Variants in NCBP2 observed in about 807,000 individuals in gnomAD.
NCBP2 encodes nuclear cap-binding protein subunit 2.
NCBP2 carries 8 observed loss-of-function variants against 21.5 expected under a neutral mutation model. The ratio of observed to expected loss-of-function variants is 0.37; its 90% confidence interval spans 0.22 to 0.67. The LOEUF (loss-of-function observed/expected upper bound fraction) is 0.67, where lower values mean the gene tolerates loss of function less well. Ranked by LOEUF, NCBP2 falls within the 30% of genes least tolerant of loss-of-function variation. NCBP2 has a pLI of 0.56. For synonymous variants in NCBP2, 92 were observed against 75.8 expected (o/e 1.21, Z -1.11); for missense variants, 127 against 206.9 (o/e 0.61, Z 2.37).
rs1716593262 is a variant in NCBP2 at position 196,941,824 on chromosome 3, C to T, written c.78+602G>A. ...CCCTCTTCTGAAATCCAGCAATTCTCCGATCTTTACATCCGAACACCCTCA... is the reference window on the plus strand; with the variant it reads ...CCCTCTTCTGAAATCCAGCAATTCTTCGATCTTTACATCCGAACACCCTCA... On this transcript the variant is annotated intron_variant, in intron 1 of 3. Transcript: ENST00000321256. 5.4e-6 allele frequency: 7 copies of T among 1,301,428 alleles called. No homozygotes were observed. In the South Asian group the frequency reaches 7.8e-5, roughly 15 times the overall value. The allele number at this position is 1,301,428 out of a possible 1,614,324, so 80.6% of individuals were successfully genotyped here. A position where few individuals can be genotyped will look rare whatever the true frequency, so the allele number is the denominator to read the frequency against.
chr3:196,936,411 C>A lies in NCBP2; in HGVS notation c.*600G>T. 1 of 153,146 alleles carries A rather than the reference C, an allele frequency of 6.5e-6. No individual in the cohort carries two copies. The allele number at this position is 153,146 out of a possible 1,614,324, so 9.5% of individuals were successfully genotyped here. On this transcript the variant is annotated 3_prime_UTR_variant, in exon 4 of 4. Coordinates refer to ENST00000321256, the MANE Select transcript of NCBP2 (RefSeq NM_007362.5). ...CACCTGTTCCTAATTTTGTGCAAAGCAATACAACATAGCACAACTCCATTT... is the reference window on the plus strand; with the variant it reads ...CACCTGTTCCTAATTTTGTGCAAAGAAATACAACATAGCACAACTCCATTT...
At position 196,936,080 on chromosome 3, in the gene NCBP2, G is replaced by GT. The variant is rs1483881164; in HGVS notation, c.*930dup. The GT allele has an allele frequency of 1.4e-4, 21 of 152,158 alleles. No individual in the cohort carries two copies. Among genetic ancestry groups the GT allele is most frequent in the Admixed American group, 1.4e-3 (21 of 15,264 alleles). 9.4% of individuals were successfully genotyped at this position (152,158 alleles called of 1,614,324 possible). The stretch of plus-strand genomic sequence containing the variant: ...TTGCTGGTCCTCATGTCAAGGCAGT[G>GT]TTTTCATTGTCTCTTGATATTTTAT... On this transcript the variant is annotated 3_prime_UTR_variant, in exon 4 of 4. Coordinates refer to ENST00000321256, the MANE Select transcript of NCBP2 (RefSeq NM_007362.5).
intron 1 of NCBP2, chr3:196,942,103 C>T: frequency 6.7e-7 from 1 of 1,487,014 alleles, no homozygotes; most frequent in Non-Finnish European, 8.9e-7. Context: ...GCTACGTAGT[C>T]GTCTGCGGAG....
rs368248385 is a variant in NCBP2, at chr3:196,937,041, T to G, written c.441A>C (p.Gly147=). The change falls in exon 4 of 4, where the codon GGA becomes GGC. Residue 147 remains glycine, a synonymous_variant. Transcript: ENST00000321256. ...GGTTCTGTGCCAGTTTTCCATAGCC[T>G]CCTCTCCCAGCATCGTAGTCCTGCC... is the stretch of plus-strand genomic sequence containing the variant. ...EYRQDYDAGR[G]GYGKLAQNQ is the part of the protein sequence containing the mutation. The G allele has an allele frequency of 5.0e-5, 80 of 1,613,988 alleles. No individual in the cohort carries two copies. Among genetic ancestry groups the G allele is most frequent in the Non-Finnish European group, 6.1e-5 (72 of 1,180,020 alleles).
At chr3:196,940,636 C>G (rs548063666) in intron 1 of NCBP2, among the ~76,000 whole-genome samples, 108 of 152,242 alleles carry the variant, frequency 7.1e-4, no homozygotes, top group African/African-American at 2.6e-3. Context: ...GCTAGAAATT[C>G]CACATGACAG....
At chr3:196,942,320 T>G in intron 1 of NCBP2, 106 bp downstream of exon 1, 1 of 1,535,188 alleles carries the variant, frequency 6.5e-7, no homozygotes, top group Non-Finnish European at 8.8e-7. Flanking sequence ...CCACTTGGCG[T>G]TTGCGGATTT....
intron 2 of NCBP2, chr3:196,938,050 G>A (rs1232930512): frequency 1.2e-5 from 2 of 162,316 alleles, no homozygotes; most frequent in East Asian, 1.7e-4. Flanking sequence ...CTTCACTAAA[G>A]GAAAGACTCA....
In NCBP2 at chr3:196,939,508, ACATT is replaced by A. The variant is rs1208592044; in HGVS notation, c.79-80_79-77del. ...AATAGTATTTCTAAGTACGGTAGAG[ACATT>A]CATTAATTCTGGTTTGGAAATCAAC... On this transcript the variant is annotated intron_variant, in intron 1 of 3. Coordinates refer to ENST00000321256, the MANE Select transcript of NCBP2 (RefSeq NM_007362.5). The A allele has an allele frequency of 1.5e-5, 16 of 1,095,958 alleles. No individual in the cohort carries two copies. The Admixed American group carries it at 3.9e-4, about 27-fold the overall frequency. 67.9% of individuals were successfully genotyped at this position (1,095,958 alleles called of 1,614,324 possible). A position where few individuals can be genotyped will look rare whatever the true frequency, so the allele number is the denominator to read the frequency against.
Position 196,936,585 on chromosome 3 carries a change from T to C in NCBP2, c.*426A>G, listed in dbSNP as rs926705294. The C allele has an allele frequency of 1.8e-5, 3 of 168,774 alleles. No homozygotes were observed. The highest frequency in any genetic ancestry group is 5.9e-5 in the Admixed American group (1 of 17,028). The allele number at this position is 168,774 out of a possible 1,614,324, so 10.5% of individuals were successfully genotyped here. ...GCCACCATGCCTGGCCCCACCTCCATTTATTAGGCTATCTCATGCAAACTT... is the reference window on the plus strand; with the variant it reads ...GCCACCATGCCTGGCCCCACCTCCACTTATTAGGCTATCTCATGCAAACTT... On this transcript the variant is annotated 3_prime_UTR_variant, in exon 4 of 4. Coordinates refer to ENST00000321256, the MANE Select transcript of NCBP2 (RefSeq NM_007362.5).
In NCBP2 at chr3:196,939,304, G is replaced by A. The variant is rs746621712; in HGVS notation, c.207C>T (p.Ile69=). Residue 69 remains isoleucine, a synonymous_variant, in exon 2 of 4, where the codon ATC becomes ATT. Transcript: ENST00000321256. ...TCTTCATTTTATCCAGACCCATAAT[G>A]ATTTTCTTTATGTCACCACTTTTGC... ...LFSKSGDIKK[I]IMGLDKMKKT... is the part of the protein sequence containing the mutation. The A allele has an allele frequency of 1.2e-6, 2 of 1,613,826 alleles. No individual in the cohort carries two copies. The highest frequency in any genetic ancestry group is 1.7e-6 in the Non-Finnish European group (2 of 1,179,774).
chr3:196,937,448 A>T, intron 3 of NCBP2, 62 bp downstream of exon 3: 1 of 1,596,830 alleles, frequency 6.3e-7, no homozygotes, highest in Non-Finnish European at 8.5e-7. Flanking sequence ...AATTGCCAAA[A>T]CACCTGTCAT....
Position 196,939,283 on chromosome 3 carries a change from C to T in NCBP2, c.228G>A (p.Met76Ile). The change falls in exon 2 of 4, where the codon ATG becomes ATA. Residue 76 changes from methionine (M) to isoleucine (I), a missense_variant. Coordinates refer to ENST00000321256, the MANE Select transcript of NCBP2 (RefSeq NM_007362.5). The stretch of plus-strand genomic sequence containing the variant: ...AACAGAATCCACATGCTGTTTTCTT[C>T]ATTTTATCCAGACCCATAATGATTT... Reference protein sequence around the residue: ...IKKIIMGLDKMKKTACGFCFV... With the variant: ...IKKIIMGLDKIKKTACGFCFV... The T allele has an allele frequency of 6.2e-7, 1 of 1,613,924 alleles. No individual in the cohort carries two copies. Among genetic ancestry groups the T allele is most frequent in the Non-Finnish European group, 8.5e-7 (1 of 1,179,836 alleles).
intron 1 of NCBP2, chr3:196,941,986 G>T (rs1216907784): frequency 6.5e-7 from 1 of 1,536,154 alleles, no homozygotes; most frequent in East Asian, 2.4e-5. Flanking sequence ...CCGAATCGCC[G>T]AAGGGCACTG....
chr3:196,937,201 A>G (rs1716305132), intron 3 of NCBP2, 119 bp from the exon 4 acceptor site: 1 of 1,044,656 alleles, frequency 9.6e-7, no homozygotes, highest in Admixed American at 1.7e-5. Context: ...TGAACATTTC[A>G]AGCAGGACAT....
chr3:196,937,416 T>A, intron 3 of NCBP2, 94 bp downstream of exon 3: 1 of 1,552,266 alleles, frequency 6.4e-7, no homozygotes, highest in South Asian at 1.2e-5. Context: ...GACACAAAGT[T>A]ATTTACAAAA....
chr3:196,941,772 CTG>C (rs1716590163), intron 1 of NCBP2: 1 of 749,142 alleles, frequency 1.3e-6, no homozygotes. Context: ...ACAAAATATA[CTG>C]TGATATAGTC....
intron 1 of NCBP2, chr3:196,941,490 C>T (rs1716563267): frequency 1.6e-5 from 3 of 188,328 alleles, no homozygotes; most frequent in Non-Finnish European, 3.3e-5. Context: ...CACTTACCCT[C>T]TGCTATATGC....
chr3:196,940,029 G>A (rs935090934), intron 1 of NCBP2: 2 of 152,208 alleles, frequency 1.3e-5, no homozygotes, highest in Non-Finnish European at 2.9e-5. Context: ...ATATAACTGG[G>A]CTTCATCCAA....
rs761790509 is a variant in NCBP2 at position 196,937,516 on chromosome 3, C to G, written c.393G>C (p.Gly131=). The G allele has an allele frequency of 1.4e-5, 22 of 1,613,982 alleles. No homozygotes were observed. The highest frequency in any genetic ancestry group is 1.9e-5 in the Non-Finnish European group (22 of 1,180,056). The change falls in exon 3 of 4, where the codon GGG becomes GGC. Residue 131 remains glycine (G), a synonymous_variant. Transcript: ENST00000321256. ...EGRQYGRGRS[G]GQVRDEYRQD... ...AGAGACCCTTCTTGCATACCTGGCC[C>G]CCAGATCGCCCACGGCCGTATTGCC...
Sources: gnomAD v4.1 joint callset for allele counts (sites outside exome capture counted in the v4.1 genomes callset) on GRCh38, gnomAD v4.1.1 for gene constraint, MANE v1.5 for transcripts, NCBI Gene and HGNC (gene_info 2026-07-23, HGNC 2026-07-21) for gene names.